Variants in MYH9 observed in about 807,000 individuals in gnomAD.
MYH9 encodes the protein myosin heavy chain 9.
In MYH9, 29 loss-of-function variants were observed where a neutral mutation model predicts 241.9. That is an observed-to-expected ratio of 0.12 (90% CI 0.09 to 0.16). The LOEUF is 0.16. Ranked by LOEUF, MYH9 falls within the 10% of genes least tolerant of loss-of-function variation. The pLI is 1.00. For missense variants in MYH9, 1,803 were observed against 2,595.5 expected, an observed-to-expected ratio of 0.69 and a Z score of 6.63; for synonymous variants, 1,047 against 1,062.6, an observed-to-expected ratio of 0.99 and a Z score of 0.29.
chr22:36,316,711 A>G, intron 11 of MYH9, 42 bp from the exon 12 acceptor site: 1 of 1,611,920 alleles, frequency 6.2e-7, no homozygotes, highest in Non-Finnish European at 8.5e-7. Flanking sequence ...GATACAAAGG[A>G]TCTGAAAACC....
At chr22:36,297,110 G>GT in intron 24 of MYH9, 96 bp from the exon 25 acceptor site, 2 of 1,399,258 alleles carry the variant, frequency 1.4e-6, no homozygotes, top group Non-Finnish European at 2.0e-6. Context: ...GTTATGAAAC[G>GT]TGTGTCAGGC....
intron 1 of MYH9, among the ~76,000 whole-genome samples, chr22:36,356,032 G>A (rs1248583796): frequency 2.0e-5 from 3 of 152,198 alleles, no homozygotes; most frequent in African/African-American, 7.2e-5. Flanking sequence ...TCTGCCAGGA[G>A]TTGACCTAAC....
intron 1 of MYH9, among the ~76,000 whole-genome samples, chr22:36,372,274 A>T (rs2018100883): frequency 6.6e-6 from 1 of 151,954 alleles, no homozygotes; most frequent in Admixed American, 6.6e-5. Flanking sequence ...GATCACTTGA[A>T]CCCAGGTGTT....
intron 1 of MYH9, among the ~76,000 whole-genome samples, chr22:36,351,206 T>C (rs181407579): frequency 6.6e-6 from 1 of 152,298 alleles, no homozygotes; most frequent in African/African-American, 2.4e-5. Flanking sequence ...TGGCTCCCTT[T>C]CGCCAGGAGG....
At chr22:36,384,821 A>C (rs2018326255) in intron 1 of MYH9, among the ~76,000 whole-genome samples, 1 of 151,476 alleles carries the variant, frequency 6.6e-6, no homozygotes, top group South Asian at 2.1e-4. Context: ...TCAGGATTTG[A>C]ACTCGGCCTG....
At chr22:36,308,013 G>T (rs1047647838) in intron 15 of MYH9, among the ~76,000 whole-genome samples, 1 of 152,152 alleles carries the variant, frequency 6.6e-6, no homozygotes, top group Non-Finnish European at 1.5e-5. Context: ...CCAGAGAAAG[G>T]TTAATGTGGC....
At chr22:36,384,764 G>C (rs1167015836) in intron 1 of MYH9, among the ~76,000 whole-genome samples, 1 of 151,120 alleles carries the variant, frequency 6.6e-6, no homozygotes, top group Non-Finnish European at 1.5e-5. Context: ...TCCAAGCTGT[G>C]AGGCTATGTG....
rs1369361478 is a variant in MYH9 at position 36,296,993 on chromosome 22, T to A, written c.3122A>T (p.Lys1041Met). ...GGTCTTCTCCAGCTCCTGTCGCTGCTTCTCCTCCCTGCGGAGGCGCTCTGC... is the reference window on the plus strand; with the variant it reads ...GGTCTTCTCCAGCTCCTGTCGCTGCATCTCCTCCCTGCGGAGGCGCTCTGC... ...DLEERLRREE[K>M]QRQELEKTRR... Residue 1041 changes from lysine (K) to methionine (M), a missense_variant, in exon 25 of 41, where the codon AAG (lysine) becomes ATG (methionine). Coordinates refer to ENST00000216181, the MANE Select transcript of MYH9 (RefSeq NM_002473.6). 1 of 1,614,124 alleles carries A rather than the reference T, an allele frequency of 6.2e-7. No individual in the cohort carries two copies.
At chr22:36,360,536 A>ACC (rs1222969486) in intron 1 of MYH9, among the ~76,000 whole-genome samples, 1 of 151,752 alleles carries the variant, frequency 6.6e-6, no homozygotes, top group East Asian at 1.9e-4. Context: ...ACACGGTGAA[A>ACC]CCCCGTCTCT....
intron 20 of MYH9, chr22:36,302,268 C>G: frequency 2.8e-6 from 1 of 351,588 alleles, no homozygotes; most frequent in South Asian, 2.6e-5. Flanking sequence ...CAAAAGCAGC[C>G]CGGACAAGTT....
intron 3 of MYH9, among the ~76,000 whole-genome samples, chr22:36,335,979 T>G (rs1348044128): frequency 6.6e-6 from 1 of 152,256 alleles, no homozygotes; most frequent in African/African-American, 2.4e-5. Context: ...GCACACTCAC[T>G]GGCACTCTGA....
chr22:36,316,692 G>A (rs760790378), intron 11 of MYH9, 23 bp from the exon 12 acceptor site: 46 of 1,613,040 alleles, frequency 2.9e-5, no homozygotes, highest in South Asian at 2.4e-4. Flanking sequence ...CCCGGGGAGC[G>A]TGGTGTCAGA....
At position 36,320,202 on chromosome 22, in the gene MYH9, G is replaced by C. The variant is rs1184194172; in HGVS notation, c.1012+18C>G. 1.2e-6 allele frequency: 2 copies of C among 1,613,986 alleles called. No individual in the cohort carries two copies. The highest frequency in any genetic ancestry group is 4.5e-5 in the East Asian group (2 of 44,886). On this transcript the variant is annotated intron_variant, in intron 9 of 40. Transcript: ENST00000216181. The surrounding 1 kb of genome is among the most constrained non-coding windows in gnomAD (Gnocchi z 4.8). ...TTCCTCTGCCCCACACTCGACCATAGGAGGGCCAGCCCTGTACCCATTTGC... is the reference window on the plus strand; with the variant it reads ...TTCCTCTGCCCCACACTCGACCATACGAGGGCCAGCCCTGTACCCATTTGC...
intron 13 of MYH9, among the ~76,000 whole-genome samples, chr22:36,312,488 G>A (rs981544721): frequency 3.3e-5 from 5 of 152,224 alleles, no homozygotes; most frequent in South Asian, 2.1e-4. Flanking sequence ...GATGAAAAGT[G>A]CACATCCGCT....
chr22:36,319,474 C>T (rs1480686995), intron 10 of MYH9, 66 bp downstream of exon 10: 2 of 1,465,040 alleles, frequency 1.4e-6, no homozygotes, highest in Admixed American at 1.7e-5. Context: ...CAAGACCTTC[C>T]CTCCTGAGCA....
intron 35 of MYH9, 93 bp from the exon 36 acceptor site, chr22:36,286,046 C>T: frequency 7.4e-7 from 1 of 1,345,984 alleles, no homozygotes; most frequent in Non-Finnish European, 1.0e-6. Context: ...CAAGCCCTTC[C>T]CCAGGCCCAC....
chr22:36,367,462 G>T (rs1389725678), intron 1 of MYH9, among the ~76,000 whole-genome samples: 2 of 152,224 alleles, frequency 1.3e-5, no homozygotes, highest in Non-Finnish European at 2.9e-5. Flanking sequence ...AAGCTTTCCA[G>T]AGAAGCATCC....
At chr22:36,348,055 TAATA>T (rs919078118) in intron 2 of MYH9, among the ~76,000 whole-genome samples, 17 of 144,592 alleles carry the variant, frequency 1.2e-4, no homozygotes, top group South Asian at 2.1e-4. Context: ...ATATAATAAA[TAATA>T]AATAAATAAA....
chr22:36,324,166 G>A (rs1248360458), intron 5 of MYH9, among the ~76,000 whole-genome samples: 1 of 152,242 alleles, frequency 6.6e-6, no homozygotes, highest in African/African-American at 2.4e-5. Context: ...ACCACACGCT[G>A]TTGCCGTGGA....
Sources: gnomAD v4.1 joint callset for allele counts (sites outside exome capture counted in the v4.1 genomes callset) on GRCh38, gnomAD v4.1.1 for gene constraint, Gnocchi (gnomAD v3.1) non-coding constraint, MANE v1.5 for transcripts, NCBI Gene and HGNC (gene_info 2026-07-23, HGNC 2026-07-21) for gene names.